Variants in RHBDD1 observed in about 807,000 individuals in gnomAD.
RHBDD1 encodes rhomboid domain containing 1, also known as rhomboid-related protein 4.
RHBDD1 carries 38 observed loss-of-function variants against 36.3 expected under a neutral mutation model. That is an observed-to-expected ratio of 1.05 (90% confidence interval 0.81 to 1.37). The LOEUF (loss-of-function observed/expected upper bound fraction) is 1.37. RHBDD1 is among the 40% of genes most tolerant of loss of function. The pLI is 0.00. For missense variants in RHBDD1, 393 were observed against 377.6 expected, an observed-to-expected ratio of 1.04 and a Z score of -0.34; for synonymous variants, 151 against 136.5, an observed-to-expected ratio of 1.11 and a Z score of -0.74.
chr2:226,801,263 TC>T, the RHBDD1 span, among the ~76,000 whole-genome samples: 1 of 152,158 alleles, frequency 6.6e-6, no homozygotes, highest in South Asian at 2.1e-4. Flanking sequence ...GGAGCGAGTT[TC>T]CCGGGGAGGC....
At chr2:226,974,106 G>C (rs1157772219) in intron 8 of RHBDD1, among the ~76,000 whole-genome samples, 1 of 152,072 alleles carries the variant, frequency 6.6e-6, no homozygotes, top group Non-Finnish European at 1.5e-5. Flanking sequence ...CACAGCACTC[G>C]GTGTAACACT....
At chr2:226,982,752 T>C (rs1303701016) in intron 8 of RHBDD1, among the ~76,000 whole-genome samples, 1 of 152,236 alleles carries the variant, frequency 6.6e-6, no homozygotes, top group Admixed American at 6.5e-5. Context: ...GTGTGTTAGC[T>C]TGTTCTTTCA....
At position 226,982,955 on chromosome 2, in the gene RHBDD1, C is replaced by T. The variant is rs143733707; in HGVS notation, c.857-12476C>T. On this transcript the variant is annotated intron_variant, in intron 8 of 8. Transcript: ENST00000392062. Reference sequence around the variant, plus strand: ...CAGGATAGCTGGGTTGCACTTTTATCTTTTAAAATCTACATCATCCAAGGT... The same window carrying T: ...CAGGATAGCTGGGTTGCACTTTTATTTTTTAAAATCTACATCATCCAAGGT... 1.0e-3 allele frequency among the ~76,000 whole-genome samples: 153 copies of T among 152,296 alleles called. 1 individual carries two copies. The highest frequency in any genetic ancestry group is 3.5e-3 in the African/African-American group (145 of 41,568).
intron 3 of RHBDD1, among the ~76,000 whole-genome samples, chr2:226,861,765 TAGG>T (rs1297164628): frequency 9.9e-5 from 15 of 152,250 alleles, no homozygotes; most frequent in Admixed American, 9.8e-4. Context: ...TTGATAAATT[TAGG>T]AGAATTACAA....
intron 8 of RHBDD1, among the ~76,000 whole-genome samples, chr2:226,944,954 T>C (rs1276663575): frequency 6.6e-6 from 1 of 151,964 alleles, no homozygotes; most frequent in Non-Finnish European, 1.5e-5. Context: ...AGCCCAGGAA[T>C]AGGGAGACAG....
intron 8 of RHBDD1, among the ~76,000 whole-genome samples, chr2:226,943,163 T>C (rs1371407576): frequency 6.6e-6 from 1 of 152,180 alleles, no homozygotes; most frequent in Non-Finnish European, 1.5e-5. Context: ...TGTACTTAGT[T>C]ATGGAGAGCC....
intron 5 of RHBDD1, among the ~76,000 whole-genome samples, chr2:226,875,538 C>G (rs58423848): frequency 0.037 from 5,620 of 152,018 alleles, 356 homozygotes; most frequent in African/African-American, 0.13. Context: ...AACTACCCCC[C>G]AAACCAGAAC....
rs1314657559 is a variant in RHBDD1 at position 226,836,067 on chromosome 2, C to G, written c.-412C>G. The G allele has an allele frequency of 6.5e-6, 1 of 152,710 alleles. No individual in the cohort carries two copies. The highest frequency in any genetic ancestry group is 1.5e-5 in the Non-Finnish European group (1 of 68,080). The allele number at this position is 152,710 out of a possible 1,614,324, so 9.5% of individuals were successfully genotyped here. ...GCACGTGCGCGCGAAGACGTGGGGA[C>G]GCAGGCGGGTCGTAGAGAGCGTGAG... On this transcript the variant is annotated 5_prime_UTR_variant, in exon 1 of 9. Transcript: ENST00000392062.
intron 5 of RHBDD1, among the ~76,000 whole-genome samples, chr2:226,881,223 G>T (rs1051486144): frequency 3.9e-5 from 6 of 152,112 alleles, no homozygotes; most frequent in African/African-American, 1.2e-4. Context: ...CCTCCACCTG[G>T]TCTCTCCCTT....
chr2:226,937,068 A>G (rs568777562), intron 8 of RHBDD1, among the ~76,000 whole-genome samples: 1 of 152,276 alleles, frequency 6.6e-6, no homozygotes, highest in South Asian at 2.1e-4. Context: ...CAAGTTATTC[A>G]TATAATTTTT....
At chr2:226,844,337 T>A (rs1941991919) in intron 3 of RHBDD1, among the ~76,000 whole-genome samples, 1 of 147,506 alleles carries the variant, frequency 6.8e-6, no homozygotes, top group Non-Finnish European at 1.5e-5. Context: ...GACAGATTCC[T>A]GTTACTGAAA....
chr2:226,829,482 G>C, the RHBDD1 span, among the ~76,000 whole-genome samples: 1 of 152,118 alleles, frequency 6.6e-6, no homozygotes, highest in South Asian at 2.1e-4. Flanking sequence ...GAACAATATT[G>C]AGGCTTCCAT....
At chr2:226,853,124 C>G (rs866556801) in intron 3 of RHBDD1, among the ~76,000 whole-genome samples, 6 of 152,034 alleles carry the variant, frequency 3.9e-5, no homozygotes, top group Middle Eastern at 3.2e-3. Flanking sequence ...CTGCATATTA[C>G]AGATGGATGT....
the RHBDD1 span, among the ~76,000 whole-genome samples, chr2:226,817,734 A>AAG: frequency 6.6e-6 from 1 of 152,248 alleles, no homozygotes; most frequent in Non-Finnish European, 1.5e-5. Flanking sequence ...TATATTCTCA[A>AAG]AGAGAGAAAC....
At chr2:226,804,708 A>G in the RHBDD1 span, 1 of 152,226 alleles carries the variant, frequency 6.6e-6, no homozygotes, top group African/African-American at 2.4e-5. Context: ...TTGAGGAGCA[A>G]ATAAAGCATG....
At chr2:226,821,805 C>T in the RHBDD1 span, among the ~76,000 whole-genome samples, 1 of 151,938 alleles carries the variant, frequency 6.6e-6, no homozygotes, top group Non-Finnish European at 1.5e-5. Context: ...TTTTACCTTT[C>T]CTTTGGCTCA....
intron 7 of RHBDD1, among the ~76,000 whole-genome samples, chr2:226,909,762 C>T (rs1288690663): frequency 6.6e-6 from 1 of 152,042 alleles, no homozygotes; most frequent in African/African-American, 2.4e-5. Context: ...ACTGGCATCG[C>T]AAGCTTCCAG....
chr2:226,803,562 C>T, the RHBDD1 span, among the ~76,000 whole-genome samples: 1 of 152,136 alleles, frequency 6.6e-6, no homozygotes, highest in Non-Finnish European at 1.5e-5. Flanking sequence ...ATGCTGCCCA[C>T]AGGAAACTTA....
At chr2:226,975,330 G>A (rs920851757) in intron 8 of RHBDD1, among the ~76,000 whole-genome samples, 1 of 151,970 alleles carries the variant, frequency 6.6e-6, no homozygotes, top group Non-Finnish European at 1.5e-5. Context: ...AAATCATCAC[G>A]TTGTACACCT....
Sources: allele counts gnomAD v4.1 joint callset (sites outside exome capture counted in the v4.1 genomes callset), GRCh38; gene constraint gnomAD v4.1.1; transcripts MANE v1.5; gene names NCBI Gene and HGNC (gene_info 2026-07-23, HGNC 2026-07-21).